MB21D2: variants seen among roughly 807,000 people sequenced by gnomAD.
MB21D2 encodes nucleotidyltransferase MB21D2.
In MB21D2, 9 loss-of-function variants were observed where a neutral mutation model predicts 33.3. The observed-to-expected ratio is 0.27, with a 90% CI of 0.16 to 0.47. The LOEUF is 0.47. MB21D2 is among the 20% of genes least tolerant of loss of function. The pLI is 0.99. For synonymous variants in MB21D2, 241 were observed against 236.3 expected (o/e 1.02, Z -0.18); for missense variants, 540 against 624.6 (o/e 0.86, Z 1.44).
chr3:192,805,085 C>T (rs1318161038), intron 1 of MB21D2, among the ~76,000 whole-genome samples: 2 of 152,202 alleles, frequency 1.3e-5, no homozygotes, highest in Admixed American at 6.5e-5. Context: ...CCAACATTTG[C>T]GCAAAGACCA....
chr3:192,878,097 T>G (rs1229066341), intron 1 of MB21D2, among the ~76,000 whole-genome samples: 25 of 141,436 alleles, frequency 1.8e-4, no homozygotes, highest in East Asian at 1.7e-3. Flanking sequence ...TTTTTTTTTT[T>G]TTTTGGTTTT....
chr3:192,809,280 G>A (rs189353018), intron 1 of MB21D2, among the ~76,000 whole-genome samples: 1 of 152,196 alleles, frequency 6.6e-6, no homozygotes, highest in Non-Finnish European at 1.5e-5. Context: ...ATTTTTAGTA[G>A]AGATGGGGTT....
At chr3:192,880,238 T>G (rs1713530723) in intron 1 of MB21D2, among the ~76,000 whole-genome samples, 1 of 150,904 alleles carries the variant, frequency 6.6e-6, no homozygotes, top group Non-Finnish European at 1.5e-5. Flanking sequence ...TCCCAGCTAC[T>G]CCGGAGGCTG....
chr3:192,847,477 A>G (rs1389847816), intron 1 of MB21D2, among the ~76,000 whole-genome samples: 1 of 152,156 alleles, frequency 6.6e-6, no homozygotes, highest in Non-Finnish European at 1.5e-5. Flanking sequence ...CAAAAGGCGA[A>G]TTTTCCTCAT....
Position 192,841,973 on chromosome 3 carries a change from G to A in MB21D2, c.212-42323C>T, listed in dbSNP as rs559041773. Among the ~76,000 whole-genome samples, 5 of 152,306 alleles carry A rather than the reference G, an allele frequency of 3.3e-5. No individual in the cohort carries two copies. The South Asian group carries it at 8.3e-4, about 25-fold the overall frequency. Reference sequence around the variant, plus strand: ...TTTCAGAAAAGCTCCGTGGGCAGTGGGTCAAGAGCCAGGGATGGCAGGCCA... The same window carrying A: ...TTTCAGAAAAGCTCCGTGGGCAGTGAGTCAAGAGCCAGGGATGGCAGGCCA... On this transcript the variant is annotated intron_variant, in intron 1 of 1. Transcript: ENST00000392452.
chr3:192,823,006 C>T (rs1480448359), intron 1 of MB21D2, among the ~76,000 whole-genome samples: 1 of 152,184 alleles, frequency 6.6e-6, no homozygotes, highest in Admixed American at 6.5e-5. Context: ...GACATTCAAT[C>T]TCCATAGTTT....
intron 1 of MB21D2, among the ~76,000 whole-genome samples, chr3:192,861,765 A>G (rs964676976): frequency 6.6e-6 from 1 of 152,178 alleles, no homozygotes; most frequent in Non-Finnish European, 1.5e-5. Flanking sequence ...AGATCACGCC[A>G]TTGCACTCCA....
At chr3:192,854,412 G>T (rs1271840050) in intron 1 of MB21D2, among the ~76,000 whole-genome samples, 1 of 152,186 alleles carries the variant, frequency 6.6e-6, no homozygotes, top group African/African-American at 2.4e-5. Context: ...TGATGAAGCT[G>T]CAGAAGAAAA....
intron 1 of MB21D2, among the ~76,000 whole-genome samples, chr3:192,867,635 A>G (rs1437426577): frequency 1.3e-5 from 2 of 152,122 alleles, no homozygotes; most frequent in African/African-American, 2.4e-5. Flanking sequence ...ATGTGACTAG[A>G]TGGTCACGGC....
chr3:192,823,385 G>A (rs1278872300), intron 1 of MB21D2, among the ~76,000 whole-genome samples: 2 of 152,188 alleles, frequency 1.3e-5, no homozygotes, highest in Non-Finnish European at 2.9e-5. Flanking sequence ...TGGGCACGGT[G>A]GCTCATGCCT....
intron 1 of MB21D2, among the ~76,000 whole-genome samples, chr3:192,873,404 T>G (rs1482303475): frequency 1.3e-5 from 2 of 152,174 alleles, no homozygotes; most frequent in East Asian, 1.9e-4. Flanking sequence ...GTAAAGGGGA[T>G]GAGGCTTCTC....
At chr3:192,810,398 A>C (rs1386365363) in intron 1 of MB21D2, among the ~76,000 whole-genome samples, 1 of 152,148 alleles carries the variant, frequency 6.6e-6, no homozygotes, top group Non-Finnish European at 1.5e-5. Context: ...AATTTATATA[A>C]AGAAGCCTCC....
intron 1 of MB21D2, among the ~76,000 whole-genome samples, chr3:192,833,614 A>C (rs1202574290): frequency 3.9e-5 from 6 of 152,180 alleles, no homozygotes; most frequent in Admixed American, 3.9e-4. Context: ...ACAAAAATAG[A>C]TTCTATGCTT....
At chr3:192,874,485 G>A (rs1467672781) in intron 1 of MB21D2, among the ~76,000 whole-genome samples, 2 of 152,166 alleles carry the variant, frequency 1.3e-5, no homozygotes, top group Non-Finnish European at 2.9e-5. Flanking sequence ...CCTAAACGAT[G>A]TCACTAATTC....
intron 1 of MB21D2, among the ~76,000 whole-genome samples, chr3:192,889,061 G>C (rs934210986): frequency 6.6e-6 from 1 of 152,036 alleles, no homozygotes; most frequent in African/African-American, 2.4e-5. Context: ...ACCCACCCAA[G>C]TCCCTGCCTT....
intron 1 of MB21D2, among the ~76,000 whole-genome samples, chr3:192,829,480 T>G (rs1249698834): frequency 1.3e-5 from 2 of 152,256 alleles, no homozygotes; most frequent in African/African-American, 4.8e-5. Context: ...TGTACCATTC[T>G]GCATTCCTAC....
intron 1 of MB21D2, among the ~76,000 whole-genome samples, chr3:192,841,201 C>T (rs1335627701): frequency 6.6e-6 from 1 of 152,226 alleles, no homozygotes; most frequent in Non-Finnish European, 1.5e-5. Context: ...AGCCTGCAAA[C>T]TTAAACAGTG....
intron 1 of MB21D2, among the ~76,000 whole-genome samples, chr3:192,849,334 T>TGGGGGGG (rs1712741972): frequency 6.5e-5 from 5 of 76,790 alleles, no homozygotes; most frequent in Non-Finnish European, 1.0e-4. Context: ...GGGCGGGGGG[T>TGGGGGGG]GGGGGTGGAG....
At chr3:192,888,214 C>T (rs1477141796) in intron 1 of MB21D2, among the ~76,000 whole-genome samples, 1 of 152,026 alleles carries the variant, frequency 6.6e-6, no homozygotes, top group South Asian at 2.1e-4. Flanking sequence ...ACACTTAAAT[C>T]TGAACTCCTT....
Sources: gnomAD v4.1 joint callset for allele counts (sites outside exome capture counted in the v4.1 genomes callset) on GRCh38, gnomAD v4.1.1 for gene constraint, MANE v1.5 for transcripts, NCBI Gene and HGNC (gene_info 2026-07-23, HGNC 2026-07-21) for gene names.